AGBL3: variants seen among roughly 807,000 people sequenced by gnomAD.
AGBL3 encodes the protein AGBL carboxypeptidase 3, also known as cytosolic carboxypeptidase 3.
Under a neutral mutation model 94.5 loss-of-function variants are expected in AGBL3, and 68 were observed. The ratio of observed to expected loss-of-function variants is 0.72; its 90% confidence interval spans 0.59 to 0.88. The LOEUF (loss-of-function observed/expected upper bound fraction) is 0.88. Ranked by LOEUF, AGBL3 falls within the 40% of genes least tolerant of loss-of-function variation. The pLI, the probability that AGBL3 is intolerant of heterozygous loss-of-function variation, is 0.00. For missense variants in AGBL3, 934 were observed against 1,103.8 expected, an observed-to-expected ratio of 0.85 and a Z score of 2.18; for synonymous variants, 354 against 370.7, an observed-to-expected ratio of 0.95 and a Z score of 0.52.
intron 12 of AGBL3, among the ~76,000 whole-genome samples, chr7:135,063,458 C>CT (rs1295756321): frequency 2.0e-5 from 3 of 151,220 alleles, no homozygotes; most frequent in Non-Finnish European, 4.4e-5. Flanking sequence ...CTTGTTTTTC[C>CT]TTTTTTTTCA....
At chr7:135,111,250 T>G (rs2117139339) in intron 15 of AGBL3, among the ~76,000 whole-genome samples, 1 of 152,298 alleles carries the variant, frequency 6.6e-6, no homozygotes, top group South Asian at 2.1e-4. Flanking sequence ...TCAATTTCCT[T>G]AGTGACATAA....
intron 16 of AGBL3, among the ~76,000 whole-genome samples, 160 bp from the exon 17 acceptor site, chr7:135,134,681 A>C (rs1480124434): frequency 6.6e-6 from 1 of 152,082 alleles, no homozygotes; most frequent in Non-Finnish European, 1.5e-5. Flanking sequence ...AAAAATCATG[A>C]TCAGAGATGA....
chr7:135,067,389 T>C (rs549222322), intron 12 of AGBL3, among the ~76,000 whole-genome samples: 1 of 151,822 alleles, frequency 6.6e-6, no homozygotes, highest in South Asian at 2.1e-4. Context: ...TTGAAGAGAG[T>C]AGTGGTTCTC....
At position 135,109,535 on chromosome 7, in the gene AGBL3, G is replaced by A. The variant is rs573273375; in HGVS notation, c.2111-5845G>A. Among the ~76,000 whole-genome samples the A allele has an allele frequency of 3.3e-5, 5 of 152,252 alleles. No individual in the cohort carries two copies. In the South Asian group the frequency reaches 1.0e-3, roughly 32 times the overall value. On this transcript the variant is annotated intron_variant, in intron 15 of 16. Coordinates refer to ENST00000436302, the MANE Select transcript of AGBL3 (RefSeq NM_178563.4). ...TGCTGGGGGTCTGCTCCAGTCCCTT[G>A]TCACCTCGGATTTTTCAGCACCTGA...
intron 12 of AGBL3, among the ~76,000 whole-genome samples, chr7:135,075,098 T>C (rs1820325968): frequency 6.6e-6 from 1 of 152,172 alleles, no homozygotes. Context: ...TGGTAACATC[T>C]TACAAAATTA....
chr7:135,094,637 G>A (rs953503656), intron 15 of AGBL3: 2 of 422,946 alleles, frequency 4.7e-6, no homozygotes, highest in South Asian at 1.7e-5. Context: ...AGCATTCTCC[G>A]TAACAAGGGC....
At chr7:135,021,887 A>G (rs551693610) in intron 5 of AGBL3, among the ~76,000 whole-genome samples, 56 of 152,128 alleles carry the variant, frequency 3.7e-4, no homozygotes, top group Admixed American at 2.6e-3. Flanking sequence ...CTCATTGTTC[A>G]GCTCCCACTT....
intron 11 of AGBL3, among the ~76,000 whole-genome samples, chr7:135,046,333 T>C (rs1817353070): frequency 6.6e-6 from 1 of 152,102 alleles, no homozygotes; most frequent in African/African-American, 2.4e-5. Context: ...GTCTTTATCA[T>C]CCAAAGTCCA....
intron 15 of AGBL3, among the ~76,000 whole-genome samples, chr7:135,106,397 T>C (rs1310327679): frequency 3.3e-5 from 5 of 152,216 alleles, no homozygotes; most frequent in African/African-American, 1.2e-4. Context: ...CCTTCAATAC[T>C]AGTTTATTGA....
chr7:135,106,882 T>C (rs1254866356), intron 15 of AGBL3, among the ~76,000 whole-genome samples: 1 of 152,168 alleles, frequency 6.6e-6, no homozygotes, highest in Non-Finnish European at 1.5e-5. Context: ...TTACTGATTC[T>C]ATTTCAGAGG....
intron 8 of AGBL3, among the ~76,000 whole-genome samples, chr7:135,037,901 T>C (rs1584912031): frequency 1.3e-5 from 2 of 152,232 alleles, no homozygotes; most frequent in Non-Finnish European, 2.9e-5. Flanking sequence ...AGTCATTGAG[T>C]GCCTAAATTA....
chr7:135,097,641 G>A (rs1823108221), intron 15 of AGBL3, among the ~76,000 whole-genome samples: 1 of 152,094 alleles, frequency 6.6e-6, no homozygotes, highest in South Asian at 2.1e-4. Flanking sequence ...CTGTGACATT[G>A]AGGCTTTTAT....
chr7:135,125,587 C>A lies in AGBL3; in HGVS notation c.2343-9254C>A, dbSNP rs566784317. Among the ~76,000 whole-genome samples, 5 of 151,766 alleles carry A rather than the reference C, an allele frequency of 3.3e-5. No individual in the cohort carries two copies. The East Asian group carries it at 9.7e-4, about 29-fold the overall frequency. On this transcript the variant is annotated intron_variant, in intron 16 of 16. Transcript: ENST00000436302. The stretch of plus-strand genomic sequence containing the variant: ...ATACCAAAACCAGGAAGAGACACAA[C>A]AAAAAAAAGAAAACTTCAGACCAAT...
intron 16 of AGBL3, among the ~76,000 whole-genome samples, chr7:135,119,627 C>T: frequency 6.6e-6 from 1 of 151,810 alleles, no homozygotes; most frequent in East Asian, 1.9e-4. Flanking sequence ...CCTGTAATCC[C>T]AGCACTTTGG....
At chr7:135,070,931 A>C (rs994394251) in intron 12 of AGBL3, among the ~76,000 whole-genome samples, 1 of 152,088 alleles carries the variant, frequency 6.6e-6, no homozygotes, top group Non-Finnish European at 1.5e-5. Context: ...AGAGGAAGTC[A>C]AATTGTCCCT....
chr7:135,121,586 A>G (rs1298247652), intron 16 of AGBL3, among the ~76,000 whole-genome samples: 1 of 152,176 alleles, frequency 6.6e-6, no homozygotes, highest in Non-Finnish European at 1.5e-5. Context: ...TTTGGAAACT[A>G]AATAACACAC....
chr7:135,126,735 C>A (rs949197279), intron 16 of AGBL3, among the ~76,000 whole-genome samples: 3 of 152,174 alleles, frequency 2.0e-5, no homozygotes, highest in African/African-American at 7.2e-5. Context: ...ACTATTTGAT[C>A]TTTGACAAAC....
chr7:135,036,787 C>T (rs1443292436), intron 7 of AGBL3, among the ~76,000 whole-genome samples: 1 of 152,082 alleles, frequency 6.6e-6, no homozygotes, highest in Non-Finnish European at 1.5e-5. Context: ...ATATTTCAGT[C>T]AGAAAGAAAA....
At position 135,076,404 on chromosome 7, in the gene AGBL3, A is replaced by G. The variant is rs1416094146; in HGVS notation, c.1916A>G (p.His639Arg). The G allele has an allele frequency of 6.5e-7, 1 of 1,544,672 alleles. No homozygotes were observed. Among genetic ancestry groups the G allele is most frequent in the Admixed American group, 2.0e-5 (1 of 50,832 alleles). Reference protein sequence around the residue: ...YLLKLTSQKKHLKTKKERNST... With the variant: ...YLLKLTSQKKRLKTKKERNST... ...GTATGATTCTTTTACTAGAAAAAAC[A>G]TTTGAAAACAAAGAAGGAAAGGAAT... is the stretch of plus-strand genomic sequence containing the variant. The change falls in exon 13 of 17, where the codon CAT (histidine) becomes CGT (arginine). Residue 639 changes from histidine (H) to arginine (R), a missense_variant. Coordinates refer to ENST00000436302, the MANE Select transcript of AGBL3 (RefSeq NM_178563.4).
Sources: allele counts gnomAD v4.1 joint callset (sites outside exome capture counted in the v4.1 genomes callset), GRCh38; gene constraint gnomAD v4.1.1; transcripts MANE v1.5; gene names NCBI Gene and HGNC (gene_info 2026-07-23, HGNC 2026-07-21).